The following RANBP1 variants were observed in gnomAD, a reference collection of about 807,000 sequenced individuals.
RANBP1 encodes RAN binding protein 1.
A neutral mutation model predicts 31.4 loss-of-function variants in RANBP1; 16 were observed. The ratio of observed to expected loss-of-function variants is 0.51; its 90% CI spans 0.34 to 0.77. The LOEUF (loss-of-function observed/expected upper bound fraction) is 0.77. Ranked by LOEUF, RANBP1 falls within the 30% of genes least tolerant of loss-of-function variation. The probability of loss-of-function intolerance (pLI) is 0.01; values close to 1 mark genes in which losing one functional copy is unlikely to be tolerated. For synonymous variants in RANBP1, 129 were observed against 140.5 expected, an observed-to-expected ratio of 0.92 and a Z score of 0.58; for missense variants, 265 against 362.0, an observed-to-expected ratio of 0.73 and a Z score of 2.17.
rs1303472086 is a variant in RANBP1, at chr22:20,116,261, G to A, written c.77G>A (p.Arg26Lys). ...CAGAGGGCACCATGCAAAACGCGCA[G>A]GGCCTTGTCCCTCTCTGCAGCGCTG... ...PFQRAPCKTRRALSLSAALRN... is the reference protein window; with the variant it reads ...PFQRAPCKTRKALSLSAALRN... Residue 26 changes from arginine to lysine, a missense_variant, in exon 1 of 6, where the codon AGG (arginine) becomes AAG (lysine). Physicochemically the swap from Arg to Lys is conservative, Grantham distance 26. This residue lies in a region of RANBP1 where 126 missense variants were observed against 123.6 expected (regional missense o/e 1.02). Transcript: ENST00000430524. 2 of 1,612,966 alleles carry A rather than the reference G, an allele frequency of 1.2e-6. No individual in the cohort carries two copies.
intron 1 of RANBP1, chr22:20,117,420 A>C: frequency 8.4e-7 from 1 of 1,194,118 alleles, no homozygotes. Context: ...GGGCCGGACA[A>C]TGAGAGTGTC....
intron 4 of RANBP1, among the ~76,000 whole-genome samples, chr22:20,125,922 C>A (rs534359405): frequency 6.6e-6 from 1 of 152,266 alleles, no homozygotes; most frequent in Non-Finnish European, 1.5e-5. Context: ...GTCCAAGCTG[C>A]GTCCAGTGGC....
chr22:20,122,153 C>A, intron 2 of RANBP1, 111 bp from the exon 3 acceptor site: 1 of 1,214,180 alleles, frequency 8.2e-7, no homozygotes, highest in Non-Finnish European at 1.2e-6. Context: ...AGGGCTGGGG[C>A]GTTCGTGGAG....
intron 1 of RANBP1, chr22:20,116,674 G>A: frequency 6.7e-7 from 1 of 1,497,282 alleles, no homozygotes; most frequent in Non-Finnish European, 8.9e-7. Flanking sequence ...GGCCCCCCAA[G>A]CTTCCTTATG....
chr22:20,116,999 A>G, intron 1 of RANBP1: 4 of 1,482,770 alleles, frequency 2.7e-6, no homozygotes, highest in Admixed American at 2.0e-5. Context: ...GGCCTGTCAC[A>G]AGGGAAGTGC....
intron 1 of RANBP1, chr22:20,117,310 G>A (rs1364514393): frequency 3.1e-6 from 3 of 969,308 alleles, no homozygotes; most frequent in Admixed American, 4.7e-5. Flanking sequence ...GCGCGTGGCC[G>A]GGACGGAAGT....
chr22:20,119,269 A>G, intron 2 of RANBP1, 120 bp downstream of exon 2: 2 of 927,622 alleles, frequency 2.2e-6, no homozygotes, highest in Non-Finnish European at 3.3e-6. Flanking sequence ...AAGGGCCTAA[A>G]GTTGGTGACT....
At chr22:20,119,342 T>A in intron 2 of RANBP1, 193 bp downstream of exon 2, 1 of 584,872 alleles carries the variant, frequency 1.7e-6, no homozygotes. Context: ...CTTGCTGCCC[T>A]GCAGCCAGTT....
intron 3 of RANBP1, 81 bp from the exon 4 acceptor site, chr22:20,125,227 G>T (rs763504660): frequency 5.2e-6 from 8 of 1,543,864 alleles, no homozygotes; most frequent in Non-Finnish European, 7.1e-6. Flanking sequence ...AGGTTGGTGA[G>T]CAGGGTGCTC....
intron 2 of RANBP1, 199 bp downstream of exon 2, chr22:20,119,348 C>G (rs1434913931): frequency 3.4e-6 from 2 of 582,542 alleles, no homozygotes; most frequent in African/African-American, 3.7e-5. Flanking sequence ...GCCCTGCAGC[C>G]AGTTGCATGA....
intron 1 of RANBP1, chr22:20,118,024 G>A (rs2050082756): frequency 2.0e-6 from 2 of 993,118 alleles, no homozygotes; most frequent in Non-Finnish European, 2.4e-6. Context: ...CTAGTACGGT[G>A]CATTTATTCT....
chr22:20,117,182 A>C (rs2050053843), intron 1 of RANBP1: 1 of 543,832 alleles, frequency 1.8e-6, no homozygotes, highest in South Asian at 3.0e-5. Flanking sequence ...TTCGCCAGCC[A>C]CTCTTAGTCC....
intron 1 of RANBP1, chr22:20,117,302 G>C: frequency 1.1e-6 from 1 of 877,966 alleles, no homozygotes; most frequent in Non-Finnish European, 1.5e-6. Flanking sequence ...CTAGAGGCGC[G>C]CGTGGCCGGG....
intron 1 of RANBP1, 52 bp downstream of exon 1, chr22:20,116,482 C>G (rs1422290010): frequency 6.2e-7 from 1 of 1,612,742 alleles, no homozygotes; most frequent in Non-Finnish European, 8.5e-7. Flanking sequence ...AGGCCCCGGC[C>G]CTGTAGCCGC....
chr22:20,117,442 C>G, intron 1 of RANBP1: 1 of 1,190,826 alleles, frequency 8.4e-7, no homozygotes, highest in Non-Finnish European at 1.0e-6. Context: ...GCCTCCTGAG[C>G]CAATAAAGCT....
At chr22:20,122,188 T>C (rs1053714461) in intron 2 of RANBP1, 76 bp from the exon 3 acceptor site, 13 of 1,524,656 alleles carry the variant, frequency 8.5e-6, no homozygotes, top group African/African-American at 1.4e-5. Flanking sequence ...AGTGCAGAGT[T>C]GTCCTGTGTC....
chr22:20,125,589 G>T (rs1478155937), intron 4 of RANBP1, 153 bp downstream of exon 4: 21 of 1,524,144 alleles, frequency 1.4e-5, no homozygotes, highest in Non-Finnish European at 1.8e-5. Flanking sequence ...CTGTTTGGGG[G>T]CCATGCCCAG....
intron 1 of RANBP1, chr22:20,117,254 C>T: frequency 1.8e-6 from 1 of 566,804 alleles, no homozygotes; most frequent in Non-Finnish European, 2.7e-6. Flanking sequence ...ACGTCATCGT[C>T]ACGCGCCGGA....
At chr22:20,118,622 C>A (rs562388685) in intron 1 of RANBP1, among the ~76,000 whole-genome samples, 1 of 152,346 alleles carries the variant, frequency 6.6e-6, no homozygotes, top group South Asian at 2.1e-4. Flanking sequence ...GTCCTTTGAT[C>A]TTCACACAGC....
Sources: gnomAD v4.1 joint callset for allele counts (sites outside exome capture counted in the v4.1 genomes callset) on GRCh38, gnomAD v4.1.1 for gene constraint, gnomAD v4.1.1 regional missense constraint, MANE v1.5 for transcripts, NCBI Gene and HGNC (gene_info 2026-07-23, HGNC 2026-07-21) for gene names.